Variants in LSAMP observed in about 807,000 individuals in gnomAD.
LSAMP encodes limbic system associated membrane protein.
A neutral mutation model predicts 38.6 loss-of-function variants in LSAMP; 7 were observed. The ratio of observed to expected loss-of-function variants is 0.18; its 90% CI spans 0.10 to 0.34. The LOEUF (loss-of-function observed/expected upper bound fraction) is 0.34. LSAMP is among the 10% of genes least tolerant of loss of function. The pLI is 1.00. For missense variants in LSAMP, 313 were observed against 420.0 expected (o/e 0.75, Z 2.23); for synonymous variants, 154 against 166.8 (o/e 0.92, Z 0.59).
chr3:116,120,637 C>G (rs1708852947), intron 1 of LSAMP, among the ~76,000 whole-genome samples: 1 of 152,132 alleles, frequency 6.6e-6, no homozygotes, highest in African/African-American at 2.4e-5. Flanking sequence ...AGGGCTAGTC[C>G]CAGGTTCTGG....
At chr3:116,425,875 A>G (rs2049188300) in intron 1 of LSAMP, among the ~76,000 whole-genome samples, 1 of 31,616 alleles carries the variant, frequency 3.2e-5, no homozygotes, top group Non-Finnish European at 1.3e-4. Flanking sequence ...TCCTAAAGCA[A>G]AAAAAAAAAA....
intron 3 of LSAMP, among the ~76,000 whole-genome samples, chr3:115,931,126 C>T (rs932964742): frequency 7.2e-5 from 11 of 152,170 alleles, no homozygotes; most frequent in African/African-American, 2.7e-4. Flanking sequence ...CAGCACCCCA[C>T]TTCCTCCTTC....
chr3:115,867,643 C>T (rs1935899382), intron 3 of LSAMP, among the ~76,000 whole-genome samples: 1 of 151,982 alleles, frequency 6.6e-6, no homozygotes, highest in East Asian at 1.9e-4. Flanking sequence ...GCCAGCCAAA[C>T]CACGGGGAAG....
intron 1 of LSAMP, among the ~76,000 whole-genome samples, chr3:116,114,262 A>G (rs1357086665): frequency 1.3e-5 from 2 of 152,170 alleles, no homozygotes; most frequent in Non-Finnish European, 2.9e-5. Context: ...GAGTAAGAAC[A>G]TTTTGGTAAC....
intron 6 of LSAMP, among the ~76,000 whole-genome samples, chr3:115,834,948 G>A (rs575118726): frequency 1.2e-4 from 18 of 152,144 alleles, no homozygotes; most frequent in African/African-American, 4.3e-4. Flanking sequence ...TCAAATTCAG[G>A]TGATACATCT....
intron 1 of LSAMP, among the ~76,000 whole-genome samples, chr3:116,174,932 T>C (rs1006527682): frequency 6.6e-6 from 1 of 152,140 alleles, no homozygotes; most frequent in Admixed American, 6.6e-5. Flanking sequence ...CCTGTCCTTA[T>C]TCTTTTGTGT....
intron 1 of LSAMP, among the ~76,000 whole-genome samples, chr3:116,353,755 T>A (rs1263186553): frequency 6.6e-6 from 1 of 152,120 alleles, no homozygotes; most frequent in Non-Finnish European, 1.5e-5. Flanking sequence ...TATAATGAAA[T>A]GCATTGATTT....
chr3:116,254,389 T>C (rs879755396), intron 1 of LSAMP, among the ~76,000 whole-genome samples: 3 of 151,472 alleles, frequency 2.0e-5, no homozygotes, highest in Non-Finnish European at 2.9e-5. Context: ...AAGAGATTAT[T>C]AAAGAGAAAA....
chr3:116,032,530 A>G (rs987641940), intron 2 of LSAMP, among the ~76,000 whole-genome samples: 1 of 152,144 alleles, frequency 6.6e-6, no homozygotes, highest in Non-Finnish European at 1.5e-5. Context: ...ACCACTGACC[A>G]GGCATGGTGG....
At chr3:116,291,114 C>T (rs1303932022) in intron 1 of LSAMP, among the ~76,000 whole-genome samples, 3 of 152,160 alleles carry the variant, frequency 2.0e-5, no homozygotes, top group Non-Finnish European at 4.4e-5. Flanking sequence ...TGGGCTTGTT[C>T]CTCTTTGTCT....
intron 1 of LSAMP, among the ~76,000 whole-genome samples, chr3:116,107,472 G>A (rs1046256356): frequency 4.6e-5 from 7 of 152,116 alleles, no homozygotes; most frequent in African/African-American, 1.7e-4. Context: ...TACAGGGTGC[G>A]GTCCTGGCTC....
At chr3:116,098,398 C>T (rs1470311450) in intron 1 of LSAMP, among the ~76,000 whole-genome samples, 2 of 152,072 alleles carry the variant, frequency 1.3e-5, no homozygotes, top group Non-Finnish European at 2.9e-5. Context: ...ACTCAGGAGG[C>T]TGAGGCAGGG....
chr3:116,328,347 T>C (rs551013022), intron 1 of LSAMP, among the ~76,000 whole-genome samples: 28 of 152,314 alleles, frequency 1.8e-4, no homozygotes, highest in African/African-American at 6.5e-4. Flanking sequence ...TCTTTATTGA[T>C]TTAAATTAAT....
chr3:116,202,638 G>A (rs2046003021), intron 1 of LSAMP, among the ~76,000 whole-genome samples: 1 of 151,082 alleles, frequency 6.6e-6, no homozygotes, highest in African/African-American at 2.4e-5. Flanking sequence ...TGTCCAGGCT[G>A]GTTTAGAACT....
At chr3:115,991,246 C>T (rs1292557688) in intron 3 of LSAMP, among the ~76,000 whole-genome samples, 4 of 152,046 alleles carry the variant, frequency 2.6e-5, no homozygotes, top group African/African-American at 9.7e-5. Context: ...AAGATTATAA[C>T]TCACAGTATA....
At chr3:115,993,741 A>G (rs1559911958) in intron 3 of LSAMP, among the ~76,000 whole-genome samples, 1 of 152,086 alleles carries the variant, frequency 6.6e-6, no homozygotes, top group Non-Finnish European at 1.5e-5. Flanking sequence ...GTATCTGTAT[A>G]AAATATACAA....
At chr3:116,027,048 A>G (rs1257394876) in intron 2 of LSAMP, among the ~76,000 whole-genome samples, 1 of 152,222 alleles carries the variant, frequency 6.6e-6, no homozygotes, top group Non-Finnish European at 1.5e-5. Flanking sequence ...ATGCTTTTTT[A>G]GTATAAATGT....
chr3:116,342,146 A>G (rs535766674), intron 1 of LSAMP, among the ~76,000 whole-genome samples: 1 of 152,152 alleles, frequency 6.6e-6, no homozygotes, highest in Non-Finnish European at 1.5e-5. Context: ...ATTTGCCATG[A>G]TGTCATTGGA....
At chr3:116,029,926 C>A (rs912890770) in intron 2 of LSAMP, among the ~76,000 whole-genome samples, 11 of 152,060 alleles carry the variant, frequency 7.2e-5, no homozygotes, top group Non-Finnish European at 1.3e-4. Flanking sequence ...AGATGTACAA[C>A]AAAACAGTCC....
Sources: allele counts gnomAD v4.1 joint callset (sites outside exome capture counted in the v4.1 genomes callset), GRCh38; gene constraint gnomAD v4.1.1; transcripts MANE v1.5; gene names NCBI Gene and HGNC (gene_info 2026-07-23, HGNC 2026-07-21).